The following PROX1 variants were observed in gnomAD, a reference collection of about 807,000 sequenced individuals.
The protein encoded by PROX1 is prospero homeobox protein 1.
PROX1 carries 7 observed loss-of-function variants against 58.8 expected under a neutral mutation model. The observed-to-expected ratio is 0.12, with a 90% confidence interval of 0.07 to 0.22. The LOEUF is 0.22. PROX1 is among the 10% of genes least tolerant of loss of function. The pLI is 1.00. For synonymous variants in PROX1, 350 were observed against 358.3 expected, an observed-to-expected ratio of 0.98 and a Z score of 0.26; for missense variants, 675 against 927.8, an observed-to-expected ratio of 0.73 and a Z score of 3.54.
At chr1:214,005,878 T>C (rs1286232731) in intron 3 of PROX1, among the ~76,000 whole-genome samples, 1 of 152,154 alleles carries the variant, frequency 6.6e-6, no homozygotes, top group Non-Finnish European at 1.5e-5. Flanking sequence ...GCTGTCGGCC[T>C]ACAGCTGCAG....
intron 4 of PROX1, chr1:214,030,078 A>G (rs897944050): frequency 1.3e-5 from 2 of 152,600 alleles, no homozygotes; most frequent in Non-Finnish European, 2.9e-5. Context: ...TGTGACAAGA[A>G]TAACTCTCTC....
chr1:214,006,773 A>ATG (rs1020424255), intron 3 of PROX1, among the ~76,000 whole-genome samples: 4 of 151,554 alleles, frequency 2.6e-5, no homozygotes, highest in Admixed American at 6.6e-5. Context: ...GTGTGCACAT[A>ATG]TGTGTGTGTG....
At position 213,997,321 on chromosome 1, in the gene PROX1, C is replaced by T. The variant is rs765414857; in HGVS notation, c.786C>T (p.Asp262=). 3.7e-6 allele frequency: 6 copies of T among 1,613,994 alleles called. No individual in the cohort carries two copies. Among genetic ancestry groups the T allele is most frequent in the Non-Finnish European group, 5.1e-6 (6 of 1,180,042 alleles). Reference sequence around the variant, plus strand: ...AGGAAAAGTTCTACCAAATCTATGACAGCACTGATTCGGAAAATGATGAAG... The same window carrying T: ...AGGAAAAGTTCTACCAAATCTATGATAGCACTGATTCGGAAAATGATGAAG... ...QLQEKFYQIY[D]STDSENDEDG... Residue 262 remains aspartate (D), a synonymous_variant, in exon 2 of 5, where the codon GAC becomes GAT. Transcript: ENST00000366958. The surrounding 1 kb of genome is among the most constrained non-coding windows in gnomAD (Gnocchi z 7.1).
rs1664970673 is a variant in PROX1 at position 214,040,371 on chromosome 1, A to G, written c.*4537A>G. ...CTCTCAAATCTGACACCCCCTCAGA[A>G]TGCACAAACATAAGCAGAAAAGGCA... On this transcript the variant is annotated 3_prime_UTR_variant, in exon 5 of 5. Coordinates refer to ENST00000366958, the MANE Select transcript of PROX1 (RefSeq NM_001270616.2). 1 of 152,222 alleles carries G rather than the reference A, an allele frequency of 6.6e-6. No homozygotes were observed. Among genetic ancestry groups the G allele is most frequent in the Admixed American group, 6.5e-5 (1 of 15,286 alleles). 9.4% of individuals were successfully genotyped at this position (152,222 alleles called of 1,614,324 possible).
At chr1:214,031,064 T>TGCGC (rs1443419486) in intron 4 of PROX1, among the ~76,000 whole-genome samples, 9 of 141,716 alleles carry the variant, frequency 6.4e-5, no homozygotes, top group African/African-American at 1.6e-4. Context: ...TGTGTGTGTG[T>TGCGC]GTGCGCGCGC....
At chr1:214,003,011 G>A (rs908411314) in intron 2 of PROX1, among the ~76,000 whole-genome samples, 1 of 152,056 alleles carries the variant, frequency 6.6e-6, no homozygotes, top group African/African-American at 2.4e-5. Flanking sequence ...ACATTTTAAA[G>A]CAAAAATGAA....
upstream of PROX1, chr1:213,986,342 A>G (rs775990287): frequency 3.9e-5 from 6 of 152,118 alleles, no homozygotes; most frequent in Non-Finnish European, 8.8e-5. Flanking sequence ...AACCTGACCG[A>G]CCTAATTTTT....
chr1:214,015,074 T>TATC (rs1468729676), intron 4 of PROX1, among the ~76,000 whole-genome samples: 11 of 152,170 alleles, frequency 7.2e-5, no homozygotes, highest in Admixed American at 3.3e-4. Flanking sequence ...CTGCCTTTTG[T>TATC]ATCAGTTTAC....
In PROX1 at chr1:213,997,793, C is replaced by T. The variant is rs749752561; in HGVS notation, c.1258C>T (p.Pro420Ser). ...CTTTGGCGACGTCATCATTCCGAAC[C>T]CCCTGGACACCTTTGGCAATGTGCA... The part of the protein sequence containing the change: ...QCFGDVIIPN[P>S]LDTFGNVQMA... The change falls in exon 2 of 5, where the codon CCC becomes TCC. Residue 420 changes from proline (P) to serine (S), a missense_variant. Pro to Ser is a moderately conservative substitution (Grantham distance 74). Around this residue, in one of 8 missense-constraint regions of PROX1, gnomAD observed 403 missense variants for 477.4 expected, o/e 0.84. Transcript: ENST00000366958. The surrounding 1 kb of genome is among the most constrained non-coding windows in gnomAD (Gnocchi z 7.1). 6.8e-5 allele frequency: 110 copies of T among 1,614,148 alleles called. No homozygotes were observed. Among genetic ancestry groups the T allele is most frequent in the Non-Finnish European group, 8.7e-5 (103 of 1,180,052 alleles).
intron 2 of PROX1, among the ~76,000 whole-genome samples, chr1:214,004,653 A>G (rs911623583): frequency 1.3e-5 from 2 of 152,232 alleles, no homozygotes; most frequent in Non-Finnish European, 2.9e-5. Context: ...GATTAACACT[A>G]AAAGGTAAAA....
chr1:214,009,270 G>A (rs1663824796), intron 3 of PROX1, among the ~76,000 whole-genome samples: 1 of 152,214 alleles, frequency 6.6e-6, no homozygotes. Flanking sequence ...CAAAGTCACA[G>A]AGACTCGTAC....
rs1255989196 is a variant in PROX1, at chr1:214,005,704, AG to A, written c.1833+434del. Among the ~76,000 whole-genome samples the A allele has an allele frequency of 2.0e-5, 3 of 152,306 alleles. No individual in the cohort carries two copies. The East Asian group carries it at 5.8e-4, about 29-fold the overall frequency. ...GCACCTCTTTTTCCCCCTGTCGAAA[AG>A]GAGCGTACATTGAAATTCTCTATGC... On this transcript the variant is annotated intron_variant, in intron 3 of 4. Coordinates refer to ENST00000366958, the MANE Select transcript of PROX1 (RefSeq NM_001270616.2).
chr1:213,983,339 A>G (rs1237266612), upstream of PROX1: 1 of 152,380 alleles, frequency 6.6e-6, no homozygotes, highest in Non-Finnish European at 1.5e-5. Context: ...CAGGCACACC[A>G]GGAGGGACAG....
Position 213,998,774 on chromosome 1 carries a change from C to A in PROX1, c.1725+514C>A, listed in dbSNP as rs868589636. The stretch of plus-strand genomic sequence containing the variant: ...GCTTCTGGTCCGTTTAAAGACAGCC[C>A]GATGAAATCTTAGGAAGAGCGCTTT... On this transcript the variant is annotated intron_variant, in intron 2 of 4. Coordinates refer to ENST00000366958, the MANE Select transcript of PROX1 (RefSeq NM_001270616.2). Among the ~76,000 whole-genome samples, 15 of 152,036 alleles carry A rather than the reference C, an allele frequency of 9.9e-5. 1 individual carries two copies. Among genetic ancestry groups the A allele is most frequent in the Admixed American group, 9.2e-4 (14 of 15,266 alleles).
intron 2 of PROX1, 80 bp downstream of exon 2, chr1:213,998,340 G>T: frequency 7.0e-7 from 1 of 1,424,060 alleles, no homozygotes; most frequent in Non-Finnish European, 9.4e-7. Flanking sequence ...AATATCTAGA[G>T]TAATGTAGAT....
chr1:214,029,304 G>A (rs943716850), intron 4 of PROX1: 6 of 152,076 alleles, frequency 3.9e-5, no homozygotes, highest in East Asian at 1.9e-4. Flanking sequence ...AAAATACCTC[G>A]CTATGTATGA....
intron 4 of PROX1, among the ~76,000 whole-genome samples, chr1:214,023,459 C>T (rs1377691711): frequency 3.3e-5 from 5 of 152,006 alleles, no homozygotes; most frequent in East Asian, 1.9e-4. Flanking sequence ...CGGGCTCCAG[C>T]GATTCTCCTG....
chr1:214,033,718 C>G (rs932881899), intron 4 of PROX1, among the ~76,000 whole-genome samples: 11 of 152,222 alleles, frequency 7.2e-5, no homozygotes, highest in African/African-American at 2.7e-4. Flanking sequence ...CACATTCCCT[C>G]CCTCAGTGAT....
At chr1:213,990,544 C>T (rs1230797433) in intron 1 of PROX1, among the ~76,000 whole-genome samples, 1 of 152,022 alleles carries the variant, frequency 6.6e-6, no homozygotes, top group Non-Finnish European at 1.5e-5. Flanking sequence ...GCCCAAAGCA[C>T]CCCCACTTTA....
Sources: allele counts gnomAD v4.1 joint callset (sites outside exome capture counted in the v4.1 genomes callset), GRCh38; gene constraint gnomAD v4.1.1; regional missense constraint gnomAD v4.1.1; non-coding constraint Gnocchi (gnomAD v3.1); transcripts MANE v1.5; gene names NCBI Gene and HGNC (gene_info 2026-07-23, HGNC 2026-07-21).